The following ZNG1C variants were observed in gnomAD, a reference collection of about 807,000 sequenced individuals.
The protein encoded by ZNG1C is Zn regulated GTPase metalloprotein activator 1C.
At chr9:68,267,102 A>C in the ZNG1C span, among the ~76,000 whole-genome samples, 8 of 152,062 alleles carry the variant, frequency 5.3e-5, no homozygotes, top group South Asian at 1.7e-3. Context: ...TTCGGTAGCT[A>C]TTATTATTGG....
the ZNG1C span, among the ~76,000 whole-genome samples, chr9:68,296,682 G>T: frequency 4.0e-5 from 6 of 151,706 alleles, no homozygotes; most frequent in Non-Finnish European, 8.9e-5. Context: ...AATTCATTTT[G>T]AGCTTGGCTT....
the ZNG1C span, among the ~76,000 whole-genome samples, chr9:68,280,985 G>A: frequency 8.3e-4 from 98 of 117,498 alleles, 1 homozygote; most frequent in East Asian, 0.016. Flanking sequence ...AGCAATCAGC[G>A]AGACTCCGTG....
the ZNG1C span, chr9:68,298,901 C>G: frequency 1.5e-6 from 1 of 659,736 alleles, no homozygotes; most frequent in South Asian, 1.9e-5. Context: ...CATTGATGCT[C>G]TATTTCTGCT....
chr9:68,260,452 T>A, the ZNG1C span, among the ~76,000 whole-genome samples: 1 of 151,510 alleles, frequency 6.6e-6, no homozygotes, highest in Admixed American at 6.6e-5. Flanking sequence ...TTCTGCTACC[T>A]TGATAAAACC....
At chr9:68,264,853 A>G in the ZNG1C span, among the ~76,000 whole-genome samples, 275 of 83,970 alleles carry the variant, frequency 3.3e-3, 7 homozygotes, top group African/African-American at 0.011. Flanking sequence ...ATATATATAT[A>G]TATGTATAAT....
the ZNG1C span, among the ~76,000 whole-genome samples, chr9:68,287,548 T>TA: frequency 5.2e-5 from 8 of 152,398 alleles, no homozygotes; most frequent in South Asian, 2.1e-4. Context: ...CTGGAGTATT[T>TA]AAAAAAAACA....
At chr9:68,249,236 C>T in the ZNG1C span, among the ~76,000 whole-genome samples, 6 of 151,168 alleles carry the variant, frequency 4.0e-5, no homozygotes, top group South Asian at 1.1e-3. Context: ...GCATCCATGG[C>T]GTATTAGTTC....
chr9:68,275,660 A>AT, the ZNG1C span, among the ~76,000 whole-genome samples: 1 of 120,834 alleles, frequency 8.3e-6, no homozygotes, highest in African/African-American at 3.1e-5. Context: ...TGAACTCATC[A>AT]TTTTTTATGG....
the ZNG1C span, chr9:68,285,197 T>A: frequency 8.2e-5 from 1 of 12,224 alleles, no homozygotes; most frequent in African/African-American, 1.5e-4. Flanking sequence ...ACATTCTCCC[T>A]ACTAGGACCC....
At chr9:68,247,493 G>C in the ZNG1C span, 1 of 1,595,728 alleles carries the variant, frequency 6.3e-7, no homozygotes, top group Non-Finnish European at 8.5e-7. Context: ...TAAAGTGAAA[G>C]AATATAAGTT....
At chr9:68,276,088 G>T in the ZNG1C span, among the ~76,000 whole-genome samples, 1 of 151,610 alleles carries the variant, frequency 6.6e-6, no homozygotes, top group Non-Finnish European at 1.5e-5. Context: ...GTTTTTTGGT[G>T]GCATAAATGT....
At chr9:68,272,463 A>T in the ZNG1C span, 2 of 63,854 alleles carry the variant, frequency 3.1e-5, no homozygotes, top group Admixed American at 1.8e-4. Flanking sequence ...TGGCGATTTT[A>T]ATGCTTTGGA....
chr9:68,284,916 T>G, the ZNG1C span, among the ~76,000 whole-genome samples: 6 of 129,348 alleles, frequency 4.6e-5, no homozygotes, highest in Admixed American at 8.1e-5. Flanking sequence ...TTTTTTTTTT[T>G]GCTGCGTATG....
the ZNG1C span, among the ~76,000 whole-genome samples, chr9:68,276,479 G>C: frequency 7.4e-6 from 1 of 135,070 alleles, no homozygotes; most frequent in Non-Finnish European, 1.6e-5. Flanking sequence ...ATTGATTTTT[G>C]TATAAGGTGT....
At chr9:68,259,955 GAA>G in the ZNG1C span, among the ~76,000 whole-genome samples, 1 of 147,632 alleles carries the variant, frequency 6.8e-6, no homozygotes, top group Non-Finnish European at 1.5e-5. Context: ...GCCCTAATTT[GAA>G]AAGTTTGGAA....
chr9:68,247,236 C>T, the ZNG1C span, among the ~76,000 whole-genome samples: 2 of 151,194 alleles, frequency 1.3e-5, no homozygotes, highest in Non-Finnish European at 2.9e-5. Flanking sequence ...AAAGATAAGG[C>T]AGTCTCTTAA....
chr9:68,259,400 T>C, the ZNG1C span: 1 of 394,194 alleles, frequency 2.5e-6, no homozygotes, highest in Non-Finnish European at 4.4e-6. Flanking sequence ...CACTGACCCG[T>C]TCCCAATCTG....
At chr9:68,251,080 TAAAAAAAAAA>T in the ZNG1C span, 3 of 198,614 alleles carry the variant, frequency 1.5e-5, no homozygotes, top group African/African-American at 5.8e-5. Flanking sequence ...CCCCATTTCT[TAAAAAAAAAA>T]AAAAAAAAAA....
At chr9:68,276,964 A>G in the ZNG1C span, among the ~76,000 whole-genome samples, 18 of 70,506 alleles carry the variant, frequency 2.6e-4, no homozygotes, top group African/African-American at 6.0e-4. Context: ...ATTTGTTTGT[A>G]TCCTCTTTTA....
Sources: allele counts gnomAD v4.1 joint callset (sites outside exome capture counted in the v4.1 genomes callset), GRCh38; gene constraint gnomAD v4.1.1; transcripts MANE v1.5; gene names NCBI Gene and HGNC (gene_info 2026-07-23, HGNC 2026-07-21).